The following PRRC2A variants were observed in gnomAD, a reference collection of about 807,000 sequenced individuals.
PRRC2A encodes the protein protein PRRC2A.
Under a neutral mutation model 224.6 loss-of-function variants are expected in PRRC2A, and 59 were observed. The observed-to-expected ratio is 0.26, with a 90% confidence interval of 0.21 to 0.33. The LOEUF (loss-of-function observed/expected upper bound fraction) is 0.33. PRRC2A is among the 10% of genes least tolerant of loss of function. PRRC2A has a pLI of 1.00. For missense variants in PRRC2A, 3,095 were observed against 2,880.7 expected, an observed-to-expected ratio of 1.07 and a Z score of -1.70; for synonymous variants, 1,194 against 1,109.5, an observed-to-expected ratio of 1.08 and a Z score of -1.51.
At position 31,627,081 on chromosome 6, in the gene PRRC2A, C is replaced by T; in HGVS notation, c.1173C>T (p.Ala391=). 1.2e-6 allele frequency: 2 copies of T among 1,614,208 alleles called. No individual in the cohort carries two copies. The highest frequency in any genetic ancestry group is 8.5e-7 in the Non-Finnish European group (1 of 1,180,034). ...GCGAACCGCCCACTCCTAAGACGGC[C>T]TGGGCAGAAACCTCTCGGCCTCCAG... ...PNSEPPTPKT[A]WAETSRPPET... Residue 391 remains alanine, a synonymous_variant, in exon 11 of 31, where the codon GCC becomes GCT. Coordinates refer to ENST00000376033, the MANE Select transcript of PRRC2A (RefSeq NM_004638.4). This position sits in a 1 kb window ranked among gnomAD's most constrained non-coding sequence, Gnocchi z 5.6.
Position 31,636,788 on chromosome 6 carries a change from C to T in PRRC2A, c.5990C>T (p.Pro1997Leu), listed in dbSNP as rs756462323. The change falls in exon 28 of 31, where the codon CCG (proline) becomes CTG (leucine). Residue 1997 changes from proline to leucine, a missense_variant. By Grantham distance (98) the Pro-to-Leu change is moderately conservative. Coordinates refer to ENST00000376033, the MANE Select transcript of PRRC2A (RefSeq NM_004638.4). The surrounding 1 kb of genome is among the most constrained non-coding windows in gnomAD (Gnocchi z 4.3). ...CCTGTGGTGAACTTTGGCTCCCTGC[C>T]GCCAGCACCACCTCCTGCCCCACCT... is the stretch of plus-strand genomic sequence containing the variant. ...QLPVVNFGSL[P>L]PAPPPAPPPL... 26 of 1,607,894 alleles carry T rather than the reference C, an allele frequency of 1.6e-5. No individual in the cohort carries two copies. The East Asian group carries it at 2.9e-4, about 18-fold the overall frequency.
chr6:31,628,047 C>T lies in PRRC2A; in HGVS notation c.1573C>T (p.Pro525Ser), dbSNP rs1776114632. 1.2e-6 allele frequency: 2 copies of T among 1,612,748 alleles called. No individual in the cohort carries two copies. The highest frequency in any genetic ancestry group is 1.7e-6 in the Non-Finnish European group (2 of 1,179,816). ...PSTPAPPPAV[P>S]KELPAPPAPP... ...TACCCCAGCTCCACCACCTGCAGTCCCTAAAGAACTCCCTGCACCTCCAGC... is the reference window on the plus strand; with the variant it reads ...TACCCCAGCTCCACCACCTGCAGTCTCTAAAGAACTCCCTGCACCTCCAGC... Residue 525 changes from proline to serine, a missense_variant, in exon 12 of 31, where the codon CCT (proline) becomes TCT (serine). By Grantham distance (74) the Pro-to-Ser change is moderately conservative (BLOSUM62 -1). Transcript: ENST00000376033.
At chr6:31,622,989 G>C in intron 2 of PRRC2A, 88 bp downstream of exon 2, 1 of 1,135,576 alleles carries the variant, frequency 8.8e-7, no homozygotes. Context: ...GGAAGTGGCT[G>C]TAGTAGAAAT....
Position 31,627,681 on chromosome 6 carries a change from G to T in PRRC2A, c.1291-84G>T. 6.6e-7 allele frequency: 1 copy of T among 1,510,174 alleles called. No individual in the cohort carries two copies. The allele number at this position is 1,510,174 out of a possible 1,614,324, so 93.5% of individuals were successfully genotyped here. A position where few individuals can be genotyped will look rare whatever the true frequency, so the allele number is the denominator to read the frequency against. On this transcript the variant is annotated intron_variant, in intron 11 of 30. Transcript: ENST00000376033. This position sits in a 1 kb window ranked among gnomAD's most constrained non-coding sequence, Gnocchi z 5.6. ...CCTGGGTCGTTGCATCCTGCAAGTA[G>T]CGACAGTTGATTTGTTGTAAAAGAG...
Position 31,633,578 on chromosome 6 carries a change from C to T in PRRC2A, c.4519C>T (p.Pro1507Ser), listed in dbSNP as rs370922532. 5.8e-5 allele frequency: 94 copies of T among 1,613,020 alleles called. No individual in the cohort carries two copies. In the African/African-American group the frequency reaches 1.2e-3, roughly 21 times the overall value. The change falls in exon 17 of 31, where the codon CCT becomes TCT. Residue 1507 changes from proline to serine, a missense_variant. This residue lies in a region of PRRC2A where 2,001 missense variants were observed against 1,764.9 expected (regional missense o/e 1.13). Transcript: ENST00000376033. ...PRHKPGLPQA[P>S]QGPSPRPPTR... is the part of the protein sequence containing the mutation. ...GCACAAGCCTGGGCTTCCCCAAGCC[C>T]CTCAGGGCCCCTCTCCTAGGCCCCC...
Position 31,631,939 on chromosome 6 carries a change from G to A in PRRC2A, c.3266G>A (p.Ser1089Asn). The A allele has an allele frequency of 6.2e-7, 1 of 1,612,994 alleles. No homozygotes were observed. The highest frequency in any genetic ancestry group is 8.5e-7 in the Non-Finnish European group (1 of 1,179,994). The change falls in exon 16 of 31, where the codon AGC becomes AAC. Residue 1089 changes from serine to asparagine, a missense_variant. By Grantham distance (46) the Ser-to-Asn change is conservative. Coordinates refer to ENST00000376033, the MANE Select transcript of PRRC2A (RefSeq NM_004638.4). This position sits in a 1 kb window ranked among gnomAD's most constrained non-coding sequence, Gnocchi z 4.5. ...GGCCGCACTGCCAGCGAGACACGGA[G>A]CGAGGGTTCAGAGTATGAGGAAATC... ...PRGRTASETR[S>N]EGSEYEEIPK... is the part of the protein sequence containing the mutation.
rs1379123197 is a variant in PRRC2A, at chr6:31,623,616, A to C, written c.113-116A>C. 6.0e-6 allele frequency: 7 copies of C among 1,170,040 alleles called. No homozygotes were observed. The South Asian group carries it at 1.0e-4, about 17-fold the overall frequency. The allele number at this position is 1,170,040 out of a possible 1,614,324, so 72.5% of individuals were successfully genotyped here. ...AGGGGAAGGAATCCCTTCTAAGAGA[A>C]GTTTGGAGGAAGTAGGTAATAAAAT... On this transcript the variant is annotated intron_variant, in intron 2 of 30. Coordinates refer to ENST00000376033, the MANE Select transcript of PRRC2A (RefSeq NM_004638.4).
Position 31,631,371 on chromosome 6 carries a change from C to G in PRRC2A, c.2698C>G (p.Arg900Gly). Residue 900 changes from arginine (R) to glycine (G), a missense_variant, in exon 16 of 31, where the codon CGA becomes GGA. By Grantham distance (125) the Arg-to-Gly change is moderately radical. Around this residue, in one of 8 missense-constraint regions of PRRC2A, gnomAD observed 2,001 missense variants for 1,764.9 expected, o/e 1.13. Transcript: ENST00000376033. The surrounding 1 kb of genome is among the most constrained non-coding windows in gnomAD (Gnocchi z 4.5). ...TAQLTGPEAG[R>G]KPARGVGSGG... ...ACAGCTGACGGGGCCAGAAGCAGGC[C>G]GAAAGCCTGCCCGCGGAGTCGGGAG... 1.2e-6 allele frequency: 2 copies of G among 1,604,376 alleles called. No individual in the cohort carries two copies. The highest frequency in any genetic ancestry group is 1.7e-6 in the Non-Finnish European group (2 of 1,176,554).
rs759761252 is a variant in PRRC2A, at chr6:31,636,957, G to C, written c.6147+12G>C. The stretch of plus-strand genomic sequence containing the variant: ...TGGGGCGAGCAGAGGTAAGGTACAG[G>C]AACTGAGGGGCTAGGGAGCGCCAAG... On this transcript the variant is annotated intron_variant, in intron 28 of 30. Transcript: ENST00000376033. The surrounding 1 kb of genome is among the most constrained non-coding windows in gnomAD (Gnocchi z 4.3). 18 of 1,609,682 alleles carry C rather than the reference G, an allele frequency of 1.1e-5. No individual in the cohort carries two copies. Among genetic ancestry groups the C allele is most frequent in the Non-Finnish European group, 1.4e-5 (16 of 1,177,638 alleles).
intron 14 of PRRC2A, 65 bp from the exon 15 acceptor site, chr6:31,630,526 G>A: frequency 1.3e-6 from 2 of 1,564,504 alleles, no homozygotes; most frequent in Non-Finnish European, 1.8e-6. Flanking sequence ...GAGGGGAGAT[G>A]CTTTTTGGGC....
chr6:31,630,540 AG>A (rs1776428506), intron 14 of PRRC2A, 50 bp from the exon 15 acceptor site: 3 of 1,594,402 alleles, frequency 1.9e-6, no homozygotes, highest in Non-Finnish European at 2.6e-6. Flanking sequence ...TTTGGGCTGG[AG>A]GGCTTGTGAC....
chr6:31,637,222 T>A lies in PRRC2A; in HGVS notation c.6243-12T>A, dbSNP rs1202354679. ...GATCCTAGGCTTGCCTTAGACGCCC[T>A]TCTTCCCTTAGGTCCTTCTCTGGCC... On this transcript the variant is annotated splice_polypyrimidine_tract_variant and intron_variant, in intron 29 of 30. Coordinates refer to ENST00000376033, the MANE Select transcript of PRRC2A (RefSeq NM_004638.4). The A allele has an allele frequency of 1.2e-6, 2 of 1,609,030 alleles. No homozygotes were observed. Among genetic ancestry groups the A allele is most frequent in the Non-Finnish European group, 1.7e-6 (2 of 1,176,456 alleles).
Position 31,627,803 on chromosome 6 carries a change from A to G in PRRC2A, c.1329A>G (p.Glu443=). The G allele has an allele frequency of 6.2e-7, 1 of 1,613,046 alleles. No individual in the cohort carries two copies. The highest frequency in any genetic ancestry group is 1.1e-5 in the South Asian group (1 of 91,082). The change falls in exon 12 of 31, where the codon GAA becomes GAG. Residue 443 remains glutamate (E), a synonymous_variant. Transcript: ENST00000376033. This position sits in a 1 kb window ranked among gnomAD's most constrained non-coding sequence, Gnocchi z 5.6. The stretch of plus-strand genomic sequence containing the variant: ...CTCCCTGCAAGCCCCCAGCACCTGA[A>G]GATGAGGATGAGGCATGGCGGCAGC... ...GGPPCKPPAP[E]DEDEAWRQRR...
chr6:31,624,502 C>T lies in PRRC2A; in HGVS notation c.443C>T (p.Thr148Ile). Reference sequence around the variant, plus strand: ...AAGTCCTGGGCACAAGCCAGCGTCACCCATGGAGCACATGGAGATGGTGAG... The same window carrying T: ...AAGTCCTGGGCACAAGCCAGCGTCATCCATGGAGCACATGGAGATGGTGAG... ...GVKSWAQASV[T>I]HGAHGDGGRA... Residue 148 changes from threonine to isoleucine, a missense_variant, in exon 5 of 31, where the codon ACC becomes ATC. Physicochemically the swap from Thr to Ile is moderately conservative, Grantham distance 89. This residue lies in a region of PRRC2A where 287 missense variants were observed against 275.3 expected (regional missense o/e 1.04). Transcript: ENST00000376033. 6.2e-7 allele frequency: 1 copy of T among 1,613,414 alleles called. No individual in the cohort carries two copies. Among genetic ancestry groups the T allele is most frequent in the African/African-American group, 1.3e-5 (1 of 75,050 alleles).
chr6:31,633,913 G>A lies in PRRC2A; in HGVS notation c.4643G>A (p.Arg1548Gln), dbSNP rs749623259. Residue 1548 changes from arginine to glutamine, a missense_variant, in exon 18 of 31, where the codon CGG (arginine) becomes CAG (glutamine). Arg to Gln is a conservative substitution (Grantham distance 43). Transcript: ENST00000376033. ...PMVRGVGGTP[R>Q]DSAGVSPFPP... ...GTGAGAGGGGTGGGTGGGACTCCTC[G>A]GGACTCTGCCGGGGTTAGTCCCTTT... The A allele has an allele frequency of 1.0e-5, 16 of 1,585,442 alleles. No homozygotes were observed. Among genetic ancestry groups the A allele is most frequent in the South Asian group, 2.3e-5 (2 of 86,262 alleles).
chr6:31,627,635 C>A lies in PRRC2A; in HGVS notation c.1291-130C>A, dbSNP rs573863584. The stretch of plus-strand genomic sequence containing the variant: ...ACCAGGATAATGAGTTTGTCACCAC[C>A]CAGAGAGATCAACCCCAAAGCCTGG... On this transcript the variant is annotated intron_variant, in intron 11 of 30. Transcript: ENST00000376033. This position sits in a 1 kb window ranked among gnomAD's most constrained non-coding sequence, Gnocchi z 5.6. The A allele has an allele frequency of 5.1e-4, 611 of 1,195,610 alleles. 5 individuals carry two copies. The African/African-American group carries it at 8.2e-3, about 16-fold the overall frequency. The allele number at this position is 1,195,610 out of a possible 1,614,324, so 74.1% of individuals were successfully genotyped here. A position where few individuals can be genotyped will look rare whatever the true frequency, so the allele number is the denominator to read the frequency against.
Position 31,637,361 on chromosome 6 carries a change from C to T in PRRC2A, c.6333+37C>T, listed in dbSNP as rs371475000. The stretch of plus-strand genomic sequence containing the variant: ...ACCCTTGTGGCCCCAACTCTAAATT[C>T]GAGTTGCCACCTGATTTCCTGTCCT... On this transcript the variant is annotated intron_variant, in intron 30 of 30. Transcript: ENST00000376033. The T allele has an allele frequency of 3.6e-5, 58 of 1,600,058 alleles. No individual in the cohort carries two copies. The African/African-American group carries it at 7.0e-4, about 19-fold the overall frequency.
At position 31,628,045 on chromosome 6, in the gene PRRC2A, T is replaced by C; in HGVS notation, c.1571T>C (p.Val524Ala). 1 of 1,612,660 alleles carries C rather than the reference T, an allele frequency of 6.2e-7. No individual in the cohort carries two copies. Among genetic ancestry groups the C allele is most frequent in the Non-Finnish European group, 8.5e-7 (1 of 1,179,796 alleles). Residue 524 changes from valine to alanine, a missense_variant, in exon 12 of 31, where the codon GTC (valine) becomes GCC (alanine). By Grantham distance (64) the Val-to-Ala change is moderately conservative. Coordinates refer to ENST00000376033, the MANE Select transcript of PRRC2A (RefSeq NM_004638.4). ...TCTACCCCAGCTCCACCACCTGCAG[T>C]CCCTAAAGAACTCCCTGCACCTCCA... is the stretch of plus-strand genomic sequence containing the variant. ...APSTPAPPPA[V>A]PKELPAPPAP... is the part of the protein sequence containing the mutation.
At chr6:31,623,227 A>G (rs760201385) in intron 2 of PRRC2A, 3 of 626,988 alleles carry the variant, frequency 4.8e-6, no homozygotes, top group East Asian at 3.4e-5. Flanking sequence ...TGAATGTTAC[A>G]TATCTCAGCC....
Sources: gnomAD v4.1 joint callset for allele counts on GRCh38, gnomAD v4.1.1 for gene constraint, gnomAD v4.1.1 regional missense constraint, Gnocchi (gnomAD v3.1) non-coding constraint, MANE v1.5 for transcripts, NCBI Gene and HGNC (gene_info 2026-07-23, HGNC 2026-07-21) for gene names.